Variants in GALNT2 observed in about 807,000 individuals in gnomAD.
GALNT2 encodes UDP-GalNAc:polypeptide N-acetylgalactosaminyltransferase 2.
A neutral mutation model predicts 81.4 loss-of-function variants in GALNT2; 31 were observed. The observed-to-expected ratio is 0.38, with a 90% CI of 0.29 to 0.51. The LOEUF (loss-of-function observed/expected upper bound fraction) is 0.51, where lower values mean the gene tolerates loss of function less well. GALNT2 is among the 20% of genes least tolerant of loss of function. GALNT2 has a pLI of 0.87. For missense variants in GALNT2, 629 were observed against 765.7 expected (o/e 0.82, Z 2.11); for synonymous variants, 303 against 287.4 (o/e 1.05, Z -0.55).
intron 10 of GALNT2, among the ~76,000 whole-genome samples, chr1:230,252,890 A>C (rs1239123987): frequency 8.3e-6 from 1 of 120,156 alleles, no homozygotes; most frequent in East Asian, 2.8e-4. Context: ...CTCTGTCACC[A>C]GGCTGGAGTC....
intron 1 of GALNT2, among the ~76,000 whole-genome samples, chr1:230,162,733 T>C (rs1431292866): frequency 6.6e-6 from 1 of 152,130 alleles, no homozygotes; most frequent in African/African-American, 2.4e-5. Context: ...ACCCCTCCAC[T>C]CCATTCCAGA....
At chr1:230,177,729 G>A (rs943435574) in intron 1 of GALNT2, among the ~76,000 whole-genome samples, 2 of 152,126 alleles carry the variant, frequency 1.3e-5, no homozygotes, top group Admixed American at 6.5e-5. Context: ...GTTAGTCAGT[G>A]GAATTAAATC....
At chr1:230,200,053 C>CT (rs1351507307) in intron 2 of GALNT2, among the ~76,000 whole-genome samples, 1 of 129,686 alleles carries the variant, frequency 7.7e-6, no homozygotes, top group Non-Finnish European at 1.6e-5. Flanking sequence ...TCATTTAATT[C>CT]TTTTTTTTCT....
chr1:230,228,010 A>G (rs575763383), intron 3 of GALNT2, among the ~76,000 whole-genome samples: 50 of 152,314 alleles, frequency 3.3e-4, no homozygotes, highest in African/African-American at 1.2e-3. Flanking sequence ...GAGCACAGTG[A>G]GGTGTTGAAT....
In GALNT2 at chr1:230,129,002, C is replaced by T. The variant is rs868659353; in HGVS notation, c.127-49216C>T. ...CAGCTCCTTCTTCCTGAAGCCCCCGCGACACTTGTGAAGCACACACCCTGC... is the reference window on the plus strand; with the variant it reads ...CAGCTCCTTCTTCCTGAAGCCCCCGTGACACTTGTGAAGCACACACCCTGC... On this transcript the variant is annotated intron_variant, in intron 1 of 15. Transcript: ENST00000366672. Among the ~76,000 whole-genome samples, 73 of 152,344 alleles carry T rather than the reference C, an allele frequency of 4.8e-4. 1 individual carries two copies. The Middle Eastern group carries it at 0.034, about 71-fold the overall frequency.
Position 230,243,423 on chromosome 1 carries a change from C to A in GALNT2, c.725C>A (p.Ala242Glu). The A allele has an allele frequency of 6.2e-7, 1 of 1,610,644 alleles. No individual in the cohort carries two copies. The highest frequency in any genetic ancestry group is 8.5e-7 in the Non-Finnish European group (1 of 1,179,520). The change falls in exon 7 of 16, where the codon GCG (alanine) becomes GAG (glutamate). Residue 242 changes from alanine (A) to glutamate (E), a missense_variant. Ala to Glu is a moderately radical substitution (Grantham distance 107). This residue lies in a region of GALNT2 where 360 missense variants were observed against 492.8 expected (regional missense o/e 0.73). Transcript: ENST00000366672. This position sits in a 1 kb window ranked among gnomAD's most constrained non-coding sequence, Gnocchi z 4.2. ...CTGGAGCCCCTCCTGGAAAGGGTGG[C>A]GGAGGTGAGATGACGGGGGCTGGGA... is the stretch of plus-strand genomic sequence containing the variant. ...HWLEPLLERVAEDRTRVVSPI... is the reference protein window; with the variant it reads ...HWLEPLLERVEEDRTRVVSPI...
At chr1:230,134,503 C>G (rs1344531028) in intron 1 of GALNT2, among the ~76,000 whole-genome samples, 2 of 152,166 alleles carry the variant, frequency 1.3e-5, no homozygotes, top group Non-Finnish European at 2.9e-5. Context: ...TTTGTTATTT[C>G]TTTGGTTTCA....
intron 6 of GALNT2, among the ~76,000 whole-genome samples, chr1:230,237,826 C>G (rs192799321): frequency 6.6e-6 from 1 of 151,272 alleles, no homozygotes; most frequent in East Asian, 1.9e-4. Context: ...CCTACCCCAT[C>G]ACCTGGCACA....
chr1:230,126,973 C>T (rs1661202383), intron 1 of GALNT2, among the ~76,000 whole-genome samples: 1 of 152,182 alleles, frequency 6.6e-6, no homozygotes, highest in African/African-American at 2.4e-5. Flanking sequence ...CCTAATTGCT[C>T]AGTCTGGCGG....
intron 1 of GALNT2, among the ~76,000 whole-genome samples, chr1:230,092,935 C>G (rs1197641633): frequency 2.0e-5 from 3 of 152,140 alleles, no homozygotes; most frequent in African/African-American, 4.8e-5. Flanking sequence ...ACACCCACCC[C>G]CATGGAGCCG....
chr1:230,195,981 G>A (rs761594605), intron 2 of GALNT2, among the ~76,000 whole-genome samples: 7 of 152,188 alleles, frequency 4.6e-5, no homozygotes, highest in South Asian at 2.1e-4. Context: ...CACCAGGGTC[G>A]TCAGCCTCCT....
intron 1 of GALNT2, among the ~76,000 whole-genome samples, chr1:230,161,827 A>G (rs1355173036): frequency 3.3e-5 from 5 of 152,220 alleles, no homozygotes; most frequent in African/African-American, 7.2e-5. Flanking sequence ...TCTTGTTTCT[A>G]TTACTTATTT....
Position 230,193,566 on chromosome 1 carries a change from A to G in GALNT2, c.221-9571A>G, listed in dbSNP as rs977705258. ...TGTGATGTTAATTCTTTGAAGGGTC[A>G]GTTTTATAGGTTTCTGTCATCTTTT... is the stretch of plus-strand genomic sequence containing the variant. On this transcript the variant is annotated intron_variant, in intron 2 of 15. Transcript: ENST00000366672. The surrounding 1 kb of genome is among the most constrained non-coding windows in gnomAD (Gnocchi z 4.3). Among the ~76,000 whole-genome samples, 4 of 149,220 alleles carry G rather than the reference A, an allele frequency of 2.7e-5. No individual in the cohort carries two copies. The highest frequency in any genetic ancestry group is 3.5e-3 in the Middle Eastern group (1 of 282).
intron 6 of GALNT2, 46 bp downstream of exon 6, chr1:230,236,771 T>G: frequency 6.4e-7 from 1 of 1,556,574 alleles, no homozygotes; most frequent in Non-Finnish European, 8.7e-7. Flanking sequence ...AATTCTGACT[T>G]TTCCTGTAAT....
At chr1:230,187,986 C>A (rs990235648) in intron 2 of GALNT2, among the ~76,000 whole-genome samples, 1 of 152,118 alleles carries the variant, frequency 6.6e-6, no homozygotes. Context: ...AGGCAACATT[C>A]GGGCAGGAAA....
At chr1:230,144,260 G>A (rs545965885) in intron 1 of GALNT2, among the ~76,000 whole-genome samples, 7 of 152,296 alleles carry the variant, frequency 4.6e-5, no homozygotes, top group African/African-American at 1.7e-4. Flanking sequence ...AGACCTGAGT[G>A]CTTTTGAGAA....
At chr1:230,119,289 C>G (rs370867700) in intron 1 of GALNT2, among the ~76,000 whole-genome samples, 22 of 152,194 alleles carry the variant, frequency 1.4e-4, no homozygotes, top group African/African-American at 5.1e-4. Context: ...AGCTGGGAAT[C>G]GCCTTACTGT....
intron 13 of GALNT2, 164 bp downstream of exon 13, chr1:230,263,169 C>T (rs1375997088): frequency 6.4e-6 from 4 of 622,734 alleles, no homozygotes; most frequent in Non-Finnish European, 1.1e-5. Flanking sequence ...AGCTGAGAAT[C>T]TGCTCCCAAG....
At position 230,219,583 on chromosome 1, in the gene GALNT2, A is replaced by T. The variant is rs570762299; in HGVS notation, c.374+16293A>T. On this transcript the variant is annotated intron_variant, in intron 3 of 15. Coordinates refer to ENST00000366672, the MANE Select transcript of GALNT2 (RefSeq NM_004481.5). ...ATTCTGCATGCCCCTCCCACACAAGAACTAACCTATGGTGAGGACACCTGG... is the reference window on the plus strand; with the variant it reads ...ATTCTGCATGCCCCTCCCACACAAGTACTAACCTATGGTGAGGACACCTGG... Among the ~76,000 whole-genome samples, 43 of 152,028 alleles carry T rather than the reference A, an allele frequency of 2.8e-4. 1 individual carries two copies. The highest frequency in any genetic ancestry group is 2.6e-4 in the Admixed American group (4 of 15,266).
Sources: allele counts gnomAD v4.1 joint callset (sites outside exome capture counted in the v4.1 genomes callset), GRCh38; gene constraint gnomAD v4.1.1; regional missense constraint gnomAD v4.1.1; non-coding constraint Gnocchi (gnomAD v3.1); transcripts MANE v1.5; gene names NCBI Gene and HGNC (gene_info 2026-07-23, HGNC 2026-07-21).